The following NINL variants were observed in gnomAD, a reference collection of about 807,000 sequenced individuals.
The protein encoded by NINL is ninein-like protein.
NINL carries 153 observed loss-of-function variants against 160.3 expected under a neutral mutation model. The observed-to-expected ratio is 0.95, with a 90% confidence interval of 0.84 to 1.09. The LOEUF is 1.09. NINL is among the 50% of genes least tolerant of loss of function. The probability of loss-of-function intolerance (pLI) is 0.00; values close to 1 mark genes in which losing one functional copy is unlikely to be tolerated. For missense variants in NINL, 1,829 were observed against 1,764.0 expected (o/e 1.04, Z -0.66); for synonymous variants, 800 against 734.8 (o/e 1.09, Z -1.43).
chr20:25,513,113 C>A, intron 3 of NINL, 107 bp from the exon 4 acceptor site: 6 of 1,093,360 alleles, frequency 5.5e-6, no homozygotes, highest in Non-Finnish European at 7.8e-6. Context: ...CCGAGTGTGC[C>A]CCTCAAACAC....
At chr20:25,521,523 T>C (rs904255816) in intron 2 of NINL, among the ~76,000 whole-genome samples, 2 of 152,232 alleles carry the variant, frequency 1.3e-5, no homozygotes, top group Admixed American at 1.3e-4. Context: ...ATTTGGCTAT[T>C]ATTTAGGAAA....
intron 17 of NINL, among the ~76,000 whole-genome samples, chr20:25,470,672 T>C (rs1025348989): frequency 1.3e-5 from 2 of 152,152 alleles, no homozygotes; most frequent in Non-Finnish European, 2.9e-5. Flanking sequence ...ATTGATTTGA[T>C]AGATGAAGAT....
chr20:25,522,906 G>A (rs2064288197), intron 2 of NINL, among the ~76,000 whole-genome samples: 1 of 152,190 alleles, frequency 6.6e-6, no homozygotes, highest in Admixed American at 6.5e-5. Flanking sequence ...TAAAGAGGCT[G>A]CAATGTGTGA....
chr20:25,566,636 A>G (rs79977650), intron 1 of NINL, among the ~76,000 whole-genome samples: 1 of 152,194 alleles, frequency 6.6e-6, no homozygotes, highest in South Asian at 2.1e-4. Context: ...GAGATCAAAA[A>G]CATTGTAACA....
At chr20:25,539,968 G>A (rs976871682) in intron 1 of NINL, 48 of 1,203,060 alleles carry the variant, frequency 4.0e-5, no homozygotes, top group South Asian at 2.9e-4. Context: ...CTGCGCAGGC[G>A]CCTCAGTGCA....
In NINL at chr20:25,462,382, C is replaced by T. The variant is rs370907395; in HGVS notation, c.3582+1G>A. On this transcript the variant is annotated splice_donor_variant, in intron 20 of 23. Transcript: ENST00000278886. LOFTEE classifies it high-confidence loss of function. ...AGCTCCCTGCGGCTGAGGCCACCCA[C>T]CTGCTGCTGCCCACTGCGAACCACC... The T allele has an allele frequency of 5.2e-5, 80 of 1,533,752 alleles. 2 individuals are homozygous for T. In the East Asian group the frequency reaches 8.9e-4, roughly 17 times the overall value.
intron 16 of NINL, among the ~76,000 whole-genome samples, 188 bp from the exon 17 acceptor site, chr20:25,477,277 G>A (rs1400980446): frequency 6.6e-6 from 1 of 152,208 alleles, no homozygotes; most frequent in Non-Finnish European, 1.5e-5. Context: ...TCCAGACGAG[G>A]ATCCGCCCCA....
At position 25,476,444 on chromosome 20, in the gene NINL, GTC is replaced by G. The variant is rs748101045; in HGVS notation, c.2845_2846del (p.Asp949ArgfsTer24). On this transcript the variant is annotated frameshift_variant, in exon 17 of 24. Transcript: ENST00000278886. LOFTEE classifies it high-confidence loss of function. ...RELPLLGTER[D>X]ASQTQPRMWE... is the part of the protein sequence containing the mutation. ...ACATCCGTGGCTGGGTTTGCGAGGC[GTC>G]TCTCTCTGTTCCCAGCAGAGGCAGC... is the stretch of plus-strand genomic sequence containing the variant. 5 of 1,608,426 alleles carry G rather than the reference GTC, an allele frequency of 3.1e-6. No homozygotes were observed. The highest frequency in any genetic ancestry group is 2.2e-5 in the South Asian group (2 of 91,064).
chr20:25,579,101 C>A (rs6037155), intron 1 of NINL, among the ~76,000 whole-genome samples: 2 of 152,118 alleles, frequency 1.3e-5, no homozygotes, highest in Non-Finnish European at 2.9e-5. Flanking sequence ...AATACCTCAT[C>A]TTCTTGTTAA....
At chr20:25,584,152 A>T (rs1660129263) in intron 1 of NINL, among the ~76,000 whole-genome samples, 1 of 152,172 alleles carries the variant, frequency 6.6e-6, no homozygotes, top group Admixed American at 6.5e-5. Context: ...AAAGTAAAAT[A>T]AAATTAAAAA....
chr20:25,492,164 AAGTCCG>A (rs1008886342), intron 10 of NINL, among the ~76,000 whole-genome samples: 22 of 152,166 alleles, frequency 1.4e-4, no homozygotes, highest in Non-Finnish European at 2.6e-4. Context: ...GCCCATAACC[AAGTCCG>A]AGACACCTAA....
intron 6 of NINL, 133 bp downstream of exon 6, chr20:25,504,755 C>G: frequency 1.1e-6 from 1 of 943,866 alleles, no homozygotes; most frequent in Non-Finnish European, 1.6e-6. Context: ...ATGCCAAGAG[C>G]CACCAAAGGA....
intron 8 of NINL, among the ~76,000 whole-genome samples, chr20:25,499,834 T>C (rs2063830535): frequency 6.7e-6 from 1 of 149,624 alleles, no homozygotes; most frequent in Admixed American, 6.7e-5. Flanking sequence ...CTCAGAGAAA[T>C]GCTGGCACAG....
At chr20:25,546,231 T>G (rs1247236749) in intron 1 of NINL, among the ~76,000 whole-genome samples, 3 of 152,212 alleles carry the variant, frequency 2.0e-5, no homozygotes, top group African/African-American at 7.2e-5. Context: ...ATTAACACCT[T>G]CACAGCATAC....
intron 1 of NINL, among the ~76,000 whole-genome samples, chr20:25,582,124 G>T (rs901309196): frequency 6.6e-6 from 1 of 152,104 alleles, no homozygotes. Flanking sequence ...GCATGGTGGT[G>T]TACTCCTATA....
At position 25,453,503 on chromosome 20, in the gene NINL, C is replaced by G. The variant is rs17857107; in HGVS notation, c.4097G>C (p.Arg1366Pro). The G allele has an allele frequency of 1.2e-6, 2 of 1,613,858 alleles. No individual in the cohort carries two copies. Among genetic ancestry groups the G allele is most frequent in the Non-Finnish European group, 1.7e-6 (2 of 1,179,916 alleles). The stretch of plus-strand genomic sequence containing the variant: ...CCTACTGACGAGTTTGTTGAGAGCG[C>G]GAACTTTTTCTTCCAAGAGGCGGCT... ...KQSRLLEEKV[R>P]ALNKLVSRIA... Residue 1366 changes from arginine to proline, a missense_variant, in exon 24 of 24, where the codon CGC becomes CCC. By Grantham distance (103) the Arg-to-Pro change is moderately radical (BLOSUM62 -2). Transcript: ENST00000278886.
At chr20:25,543,183 C>T (rs1600314325) in intron 1 of NINL, among the ~76,000 whole-genome samples, 1 of 152,310 alleles carries the variant, frequency 6.6e-6, no homozygotes, top group East Asian at 1.9e-4. Context: ...ACACCCCCCT[C>T]CCAAATACCC....
chr20:25,564,506 C>T (rs950277567), intron 1 of NINL, among the ~76,000 whole-genome samples: 3 of 152,136 alleles, frequency 2.0e-5, no homozygotes, highest in Admixed American at 2.0e-4. Flanking sequence ...TTAGTAGAGA[C>T]AGAGTTTCAC....
intron 1 of NINL, among the ~76,000 whole-genome samples, chr20:25,567,335 A>G (rs2065008328): frequency 6.6e-6 from 1 of 152,250 alleles, no homozygotes; most frequent in Non-Finnish European, 1.5e-5. Flanking sequence ...CATTAGAAGT[A>G]GAAAGAGAGG....
Sources: allele counts gnomAD v4.1 joint callset (sites outside exome capture counted in the v4.1 genomes callset), GRCh38; gene constraint gnomAD v4.1.1; transcripts MANE v1.5; gene names NCBI Gene and HGNC (gene_info 2026-07-23, HGNC 2026-07-21).